PSMA1: variants seen among roughly 807,000 people sequenced by gnomAD.
PSMA1 encodes the protein proteasome subunit alpha type-1.
A neutral mutation model predicts 38.4 loss-of-function variants in PSMA1; 3 were observed. The observed-to-expected ratio is 0.08, with a 90% CI of 0.04 to 0.20. The LOEUF (loss-of-function observed/expected upper bound fraction) is 0.20, where lower values mean the gene tolerates loss of function less well. PSMA1 is among the 10% of genes least tolerant of loss of function. PSMA1 has a pLI of 1.00. For missense variants in PSMA1, 227 were observed against 325.3 expected, an observed-to-expected ratio of 0.70 and a Z score of 2.32; for synonymous variants, 101 against 107.1, an observed-to-expected ratio of 0.94 and a Z score of 0.35.
At chr11:14,540,736 C>A (rs900522303) in intron 2 of PSMA1, among the ~76,000 whole-genome samples, 3 of 152,154 alleles carry the variant, frequency 2.0e-5, no homozygotes, top group African/African-American at 7.2e-5. Flanking sequence ...TCATCTAATG[C>A]TGGCTTACTG....
intron 2 of PSMA1, among the ~76,000 whole-genome samples, chr11:14,539,973 A>G (rs112072036): frequency 0.028 from 4,297 of 152,326 alleles, 82 homozygotes; most frequent in Non-Finnish European, 0.044. Context: ...AATAGACCTG[A>G]TATCACTATA....
At chr11:14,602,913 G>C (rs988575119) in intron 2 of PSMA1, among the ~76,000 whole-genome samples, 3 of 152,178 alleles carry the variant, frequency 2.0e-5, no homozygotes, top group Admixed American at 1.3e-4. Context: ...GGGTTCACCT[G>C]ATTTCCATGG....
intron 1 of PSMA1, among the ~76,000 whole-genome samples, chr11:14,638,751 T>C (rs886534260): frequency 5.3e-5 from 8 of 150,400 alleles, no homozygotes; most frequent in Non-Finnish European, 8.9e-5. Flanking sequence ...AGTATCCAGT[T>C]TGTGGTAGTG....
chr11:14,638,561 A>C (rs1409521102), intron 1 of PSMA1, among the ~76,000 whole-genome samples: 382 of 13,748 alleles, frequency 0.028, 1 homozygote, highest in Middle Eastern at 0.12. Flanking sequence ...ATATATATAT[A>C]TATATATATA....
chr11:14,618,744 A>T (rs962025), intron 1 of PSMA1, among the ~76,000 whole-genome samples: 93,260 of 152,074 alleles, frequency 0.61, 29,150 homozygotes, highest in African/African-American at 0.73. Flanking sequence ...TTAAGTTCAT[A>T]CTGTTTTTCA....
intron 1 of PSMA1, among the ~76,000 whole-genome samples, chr11:14,638,284 CATT>C: frequency 6.6e-6 from 1 of 152,126 alleles, no homozygotes; most frequent in Non-Finnish European, 1.5e-5. Context: ...CACGAAGTCA[CATT>C]ATTTACTCCT....
At chr11:14,555,445 GCAT>G (rs1851932803) in intron 2 of PSMA1, among the ~76,000 whole-genome samples, 1 of 151,596 alleles carries the variant, frequency 6.6e-6, no homozygotes, top group South Asian at 2.1e-4. Flanking sequence ...AATTCTTCAG[GCAT>G]CATATCTAGA....
rs186866931 is a variant in PSMA1 at position 14,529,850 on chromosome 11, G to A, written c.22-10809C>T. Among the ~76,000 whole-genome samples the A allele has an allele frequency of 3.2e-4, 48 of 152,124 alleles. 1 individual carries two copies. The East Asian group carries it at 8.5e-3, about 27-fold the overall frequency. On this transcript the variant is annotated intron_variant, in intron 2 of 10. Coordinates refer to the PSMA1 transcript ENST00000418988. ...TCATCCTTCTTTGTGAACCTTTCTC[G>A]TAGCCCTGGTCTAATCCAAATACCT...
chr11:14,592,794 TA>T (rs1417372961), intron 2 of PSMA1, among the ~76,000 whole-genome samples: 1 of 152,216 alleles, frequency 6.6e-6, no homozygotes, highest in Non-Finnish European at 1.5e-5. Flanking sequence ...AATGACTGAA[TA>T]AATGGATAAA....
intron 1 of PSMA1, among the ~76,000 whole-genome samples, chr11:14,626,851 C>T (rs1170831077): frequency 2.0e-5 from 3 of 152,182 alleles, no homozygotes; most frequent in African/African-American, 7.2e-5. Context: ...GTTAATTTAA[C>T]TCACTGTATT....
intron 1 of PSMA1, among the ~76,000 whole-genome samples, chr11:14,619,468 C>A (rs1282501362): frequency 6.6e-6 from 1 of 151,930 alleles, no homozygotes; most frequent in Non-Finnish European, 1.5e-5. Context: ...TAGATTTATA[C>A]CACATAAAGA....
At position 14,505,149 on chromosome 11, in the gene PSMA1, A is replaced by T; in HGVS notation, c.*43T>A. The stretch of plus-strand genomic sequence containing the variant: ...ATTGTCATCAGTATGTGGTGCCTGT[A>T]TTCTTACATATTTGATAATACATAT... On this transcript the variant is annotated 3_prime_UTR_variant, in exon 10 of 10. Transcript: ENST00000396394. 1 of 1,521,640 alleles carries T rather than the reference A, an allele frequency of 6.6e-7. No homozygotes were observed. Among genetic ancestry groups the T allele is most frequent in the Non-Finnish European group, 9.1e-7 (1 of 1,096,338 alleles). The allele number at this position is 1,521,640 out of a possible 1,614,324, so 94.3% of individuals were successfully genotyped here.
At chr11:14,536,932 G>T (rs1043744747) in intron 2 of PSMA1, among the ~76,000 whole-genome samples, 1 of 152,168 alleles carries the variant, frequency 6.6e-6, no homozygotes, top group African/African-American at 2.4e-5. Context: ...ACATTTTTTC[G>T]TGTCATGATG....
chr11:14,589,777 G>A (rs1324723397), intron 2 of PSMA1, among the ~76,000 whole-genome samples: 1 of 152,242 alleles, frequency 6.6e-6, no homozygotes, highest in South Asian at 2.1e-4. Flanking sequence ...GCATTCCTGG[G>A]CCTGGGGTTA....
intron 5 of PSMA1, 110 bp downstream of exon 5, chr11:14,514,293 A>T (rs1851391680): frequency 2.2e-6 from 3 of 1,394,860 alleles, no homozygotes; most frequent in Admixed American, 3.4e-5. Flanking sequence ...GTTGTTTTAA[A>T]GTTTTCACAA....
intron 9 of PSMA1, 66 bp downstream of exon 9, chr11:14,507,586 TACAG>T (rs1851266004): frequency 1.8e-6 from 2 of 1,086,396 alleles, no homozygotes; most frequent in East Asian, 2.4e-5. Context: ...ATGGAAAATT[TACAG>T]ACACAGTTGT....
At chr11:14,601,637 A>G (rs1233701269) in intron 2 of PSMA1, among the ~76,000 whole-genome samples, 3 of 152,174 alleles carry the variant, frequency 2.0e-5, no homozygotes, top group Non-Finnish European at 4.4e-5. Flanking sequence ...CACTTTGGGG[A>G]AAATCAGGAT....
intron 2 of PSMA1, among the ~76,000 whole-genome samples, chr11:14,603,866 C>T (rs947438833): frequency 6.6e-6 from 1 of 152,114 alleles, no homozygotes; most frequent in Non-Finnish European, 1.5e-5. Flanking sequence ...AATTCAAATA[C>T]AAAGAGAAGT....
intron 1 of PSMA1, among the ~76,000 whole-genome samples, chr11:14,617,811 G>C (rs1852795399): frequency 6.6e-6 from 1 of 151,960 alleles, no homozygotes; most frequent in African/African-American, 2.4e-5. Context: ...ACTGGAATCA[G>C]GAGAGGTGTA....
Sources: allele counts gnomAD v4.1 joint callset (sites outside exome capture counted in the v4.1 genomes callset), GRCh38; gene constraint gnomAD v4.1.1; transcripts MANE v1.5; gene names NCBI Gene and HGNC (gene_info 2026-07-23, HGNC 2026-07-21).